The following MTNAP1 variants were observed in gnomAD, a reference collection of about 807,000 sequenced individuals.
MTNAP1 encodes mitochondrial nucleoid-associated protein 1.
At chr17:73,240,813 T>C in the MTNAP1 span, among the ~76,000 whole-genome samples, 77,797 of 152,002 alleles carry the variant, frequency 0.51, 20,013 homozygotes, top group East Asian at 0.62. Context: ...ACAACATGGT[T>C]GCAATTTTCA....
chr17:73,247,322 C>G, the MTNAP1 span: 1 of 1,614,206 alleles, frequency 6.2e-7, no homozygotes, highest in Non-Finnish European at 8.5e-7. Flanking sequence ...GATTGCCGCT[C>G]TAAAACATGT....
the MTNAP1 span, chr17:73,236,369 A>G: frequency 1.2e-6 from 2 of 1,614,138 alleles, no homozygotes; most frequent in Non-Finnish European, 1.7e-6. Flanking sequence ...ATGGAGAAAC[A>G]AGAGAAAGGA....
At chr17:73,246,149 A>C in the MTNAP1 span, among the ~76,000 whole-genome samples, 3 of 152,134 alleles carry the variant, frequency 2.0e-5, no homozygotes, top group Non-Finnish European at 4.4e-5. Context: ...GTTATATATC[A>C]CACGCACACA....
the MTNAP1 span, among the ~76,000 whole-genome samples, chr17:73,237,768 A>G: frequency 2.0e-5 from 3 of 152,352 alleles, no homozygotes; most frequent in Admixed American, 1.3e-4. Flanking sequence ...TGCAACATCT[A>G]GGAATTTAGA....
At chr17:73,233,344 A>C in the MTNAP1 span, 1 of 152,312 alleles carries the variant, frequency 6.6e-6, no homozygotes, top group South Asian at 2.1e-4. Context: ...ACAGACACCC[A>C]CGTATAGACG....
At chr17:73,241,105 A>G in the MTNAP1 span, among the ~76,000 whole-genome samples, 1 of 152,246 alleles carries the variant, frequency 6.6e-6, no homozygotes, top group Admixed American at 6.5e-5. Context: ...ATTACCTGTC[A>G]TAAAACATGG....
chr17:73,236,005 G>A, the MTNAP1 span: 2 of 1,614,144 alleles, frequency 1.2e-6, no homozygotes, highest in South Asian at 2.2e-5. Flanking sequence ...GTCTTTACTG[G>A]TTGGCTCAAT....
At chr17:73,237,596 C>T in the MTNAP1 span, among the ~76,000 whole-genome samples, 15 of 151,996 alleles carry the variant, frequency 9.9e-5, no homozygotes, top group Non-Finnish European at 1.8e-4. Context: ...GAGGCATGTC[C>T]AGTAGAAACT....
chr17:73,236,187 C>T, the MTNAP1 span: 1 of 1,614,036 alleles, frequency 6.2e-7, no homozygotes, highest in African/African-American at 1.3e-5. Context: ...CAAAGAATGT[C>T]AGTGATGGGG....
At chr17:73,248,164 T>G in the MTNAP1 span, 10 of 283,918 alleles carry the variant, frequency 3.5e-5, no homozygotes, top group African/African-American at 2.2e-4. Flanking sequence ...TATGCAAAAT[T>G]CCTATCAGTT....
chr17:73,236,736 T>TA, the MTNAP1 span: 2 of 1,614,150 alleles, frequency 1.2e-6, no homozygotes, highest in Non-Finnish European at 1.7e-6. Context: ...CCAAATCTGA[T>TA]AGTCAGTTCC....
At chr17:73,245,341 AAAT>A in the MTNAP1 span, 41 of 1,384,196 alleles carry the variant, frequency 3.0e-5, no homozygotes, top group Middle Eastern at 1.9e-4. Flanking sequence ...TTGGAATCTA[AAAT>A]AATGATACAG....
At chr17:73,237,147 A>G in the MTNAP1 span, 1 of 869,208 alleles carries the variant, frequency 1.2e-6, no homozygotes, top group Non-Finnish European at 1.7e-6. Context: ...TTGTCCTGAA[A>G]GAGGCTGGGT....
the MTNAP1 span, chr17:73,232,460 A>G: frequency 1.3e-6 from 1 of 786,088 alleles, no homozygotes; most frequent in Non-Finnish European, 1.9e-6. Context: ...GGGGTGGCAG[A>G]AGCGCTCGCC....
the MTNAP1 span, among the ~76,000 whole-genome samples, chr17:73,238,860 A>G: frequency 6.6e-6 from 1 of 152,222 alleles, no homozygotes; most frequent in Non-Finnish European, 1.5e-5. Flanking sequence ...CTTTTCCACT[A>G]AACCATGTTG....
the MTNAP1 span, chr17:73,248,623 G>T: frequency 7.5e-7 from 1 of 1,325,674 alleles, no homozygotes; most frequent in Non-Finnish European, 1.1e-6. Flanking sequence ...GAGGCATGGT[G>T]ACACCCAGGC....
the MTNAP1 span, among the ~76,000 whole-genome samples, chr17:73,241,468 C>A: frequency 2.0e-5 from 3 of 151,956 alleles, no homozygotes; most frequent in Non-Finnish European, 2.9e-5. Context: ...TGCATAAGCC[C>A]TCTTTTCTGG....
At chr17:73,240,637 G>T in the MTNAP1 span, among the ~76,000 whole-genome samples, 3 of 152,214 alleles carry the variant, frequency 2.0e-5, no homozygotes, top group Non-Finnish European at 4.4e-5. Flanking sequence ...CAAGACCTTT[G>T]ATAGGTCATT....
the MTNAP1 span, chr17:73,245,779 G>A: frequency 1.1e-6 from 1 of 881,162 alleles, no homozygotes; most frequent in Non-Finnish European, 1.4e-6. Context: ...TTTTAAAATA[G>A]CACACTAACT....
Sources: allele counts gnomAD v4.1 joint callset (sites outside exome capture counted in the v4.1 genomes callset), GRCh38; gene constraint gnomAD v4.1.1; transcripts MANE v1.5; gene names NCBI Gene and HGNC (gene_info 2026-07-23, HGNC 2026-07-21).